PTPRR: variants seen among roughly 807,000 people sequenced by gnomAD.
PTPRR encodes receptor-type tyrosine-protein phosphatase R.
In PTPRR, 38 loss-of-function variants were observed where a neutral mutation model predicts 77.2. The observed-to-expected ratio is 0.49, with a 90% confidence interval of 0.38 to 0.65. The LOEUF is 0.65. Among genes scored for constraint, PTPRR ranks in the 30% least tolerant of loss-of-function variants. The pLI is 0.00. For missense variants in PTPRR, 744 were observed against 799.2 expected (o/e 0.93, Z 0.83); for synonymous variants, 299 against 283.1 (o/e 1.06, Z -0.57).
chr12:70,855,231 C>T (rs1257458201), intron 2 of PTPRR, among the ~76,000 whole-genome samples: 2 of 152,156 alleles, frequency 1.3e-5, no homozygotes, highest in Admixed American at 1.3e-4. Context: ...AAGAAAATTA[C>T]TGCGATGGAT....
chr12:70,777,684 C>A (rs1010310349), intron 2 of PTPRR, among the ~76,000 whole-genome samples: 1 of 152,122 alleles, frequency 6.6e-6, no homozygotes, highest in Non-Finnish European at 1.5e-5. Flanking sequence ...CCTTCTCCAC[C>A]CTCTCTTTCT....
intron 6 of PTPRR, among the ~76,000 whole-genome samples, chr12:70,714,529 GAAC>G (rs1224701837): frequency 3.3e-5 from 5 of 151,972 alleles, no homozygotes; most frequent in Non-Finnish European, 5.9e-5. Context: ...TGTCTTATTA[GAAC>G]AACAATGTGG....
chr12:70,656,935 G>A, intron 12 of PTPRR, 118 bp from the exon 13 acceptor site: 1 of 544,094 alleles, frequency 1.8e-6, no homozygotes, highest in South Asian at 1.9e-5. Flanking sequence ...TTCACATATT[G>A]AGTATTATAA....
chr12:70,809,375 T>C (rs1264925820), intron 2 of PTPRR, among the ~76,000 whole-genome samples: 2 of 151,614 alleles, frequency 1.3e-5, no homozygotes, highest in Non-Finnish European at 2.9e-5. Context: ...AGATTTCTTA[T>C]ATGTGAGAAG....
chr12:70,812,564 C>T (rs1891828298), intron 2 of PTPRR, among the ~76,000 whole-genome samples: 1 of 152,150 alleles, frequency 6.6e-6, no homozygotes, highest in Admixed American at 6.6e-5. Flanking sequence ...GATATGATTT[C>T]CCTAACCCAC....
intron 6 of PTPRR, among the ~76,000 whole-genome samples, chr12:70,702,557 T>G (rs1888466538): frequency 6.6e-6 from 1 of 152,172 alleles, no homozygotes; most frequent in East Asian, 1.9e-4. Context: ...GAGCTTAATT[T>G]CAAACAGTGG....
At chr12:70,711,787 C>A (rs1888837711) in intron 6 of PTPRR, among the ~76,000 whole-genome samples, 1 of 152,070 alleles carries the variant, frequency 6.6e-6, no homozygotes, top group Non-Finnish European at 1.5e-5. Flanking sequence ...ATTCTAGATT[C>A]CATCTCAGTC....
intron 2 of PTPRR, among the ~76,000 whole-genome samples, chr12:70,845,029 A>C (rs541334049): frequency 6.6e-6 from 1 of 152,224 alleles, no homozygotes; most frequent in Non-Finnish European, 1.5e-5. Flanking sequence ...TGTTAGAATC[A>C]AACAAAGTTT....
intron 2 of PTPRR, among the ~76,000 whole-genome samples, chr12:70,888,928 A>C (rs1259018351): frequency 6.6e-6 from 1 of 152,206 alleles, no homozygotes; most frequent in African/African-American, 2.4e-5. Flanking sequence ...GGTTGTACTA[A>C]AGCATCGTGC....
At chr12:70,884,614 TC>T (rs1893204908) in intron 2 of PTPRR, among the ~76,000 whole-genome samples, 1 of 151,988 alleles carries the variant, frequency 6.6e-6, no homozygotes, top group Admixed American at 6.6e-5. Flanking sequence ...ACGCCTGTAA[TC>T]CCAGCACTTT....
intron 2 of PTPRR, among the ~76,000 whole-genome samples, chr12:70,778,207 A>AT (rs370593131): frequency 1.3e-4 from 20 of 150,476 alleles, no homozygotes; most frequent in African/African-American, 3.2e-4. Context: ...CTTTATTTCT[A>AT]TTTTTTTTTC....
intron 1 of PTPRR, among the ~76,000 whole-genome samples, chr12:70,908,198 T>C (rs1162243466): frequency 1.5e-5 from 2 of 132,868 alleles, no homozygotes; most frequent in Non-Finnish European, 3.1e-5. Context: ...TATTAAAACA[T>C]AGCAAAACGA....
At chr12:70,795,105 T>C (rs537230430) in intron 2 of PTPRR, among the ~76,000 whole-genome samples, 40 of 151,420 alleles carry the variant, frequency 2.6e-4, no homozygotes, top group African/African-American at 6.6e-4. Flanking sequence ...GCAATATATA[T>C]TTTTTTAAAA....
intron 1 of PTPRR, 59 bp from the exon 2 acceptor site, chr12:70,893,036 T>C: frequency 1.3e-6 from 2 of 1,530,600 alleles, no homozygotes; most frequent in Non-Finnish European, 1.8e-6. Context: ...GAGAGGTAGA[T>C]ATATCTGATG....
intron 2 of PTPRR, among the ~76,000 whole-genome samples, chr12:70,788,469 A>G (rs191437742): frequency 8.3e-4 from 126 of 152,352 alleles, no homozygotes; most frequent in Non-Finnish European, 1.1e-3. Context: ...TAAACAAAAC[A>G]AAGAAAATAT....
chr12:70,782,460 C>A (rs1247638434), intron 2 of PTPRR, among the ~76,000 whole-genome samples: 1 of 152,042 alleles, frequency 6.6e-6, no homozygotes, highest in East Asian at 1.9e-4. Context: ...CAATGATAGA[C>A]TGGATTAAGA....
At chr12:70,704,387 C>T (rs557382114) in intron 6 of PTPRR, among the ~76,000 whole-genome samples, 18 of 151,932 alleles carry the variant, frequency 1.2e-4, no homozygotes, top group Middle Eastern at 3.4e-3. Flanking sequence ...CACTGTCGTA[C>T]TCCAGGTTGG....
At chr12:70,813,499 C>G (rs1291498116) in intron 2 of PTPRR, among the ~76,000 whole-genome samples, 3 of 152,156 alleles carry the variant, frequency 2.0e-5, no homozygotes, top group African/African-American at 7.2e-5. Context: ...TATTGTGTTT[C>G]TTGAAATGTG....
intron 12 of PTPRR, among the ~76,000 whole-genome samples, chr12:70,659,713 A>G (rs1483818833): frequency 6.6e-6 from 1 of 152,170 alleles, no homozygotes; most frequent in Non-Finnish European, 1.5e-5. Context: ...CCTTTGGATA[A>G]ATAGACACAT....
Sources: gnomAD v4.1 joint callset for allele counts (sites outside exome capture counted in the v4.1 genomes callset) on GRCh38, gnomAD v4.1.1 for gene constraint, MANE v1.5 for transcripts, NCBI Gene and HGNC (gene_info 2026-07-23, HGNC 2026-07-21) for gene names.